CNOT2: variants seen among roughly 807,000 people sequenced by gnomAD.
The protein encoded by CNOT2 is CC chemokine receptor 4-negative regulator of transcription 2.
CNOT2 carries 7 observed loss-of-function variants against 72.1 expected under a neutral mutation model. That is an observed-to-expected ratio of 0.10 (90% CI 0.06 to 0.18). CNOT2 has a LOEUF of 0.18. CNOT2 is among the 10% of genes least tolerant of loss of function. CNOT2 has a pLI of 1.00. For missense variants in CNOT2, 345 were observed against 660.3 expected (o/e 0.52, Z 5.23); for synonymous variants, 196 against 225.6 (o/e 0.87, Z 1.17).
intron 1 of CNOT2, among the ~76,000 whole-genome samples, chr12:70,246,911 G>T (rs1290141104): frequency 6.6e-6 from 1 of 152,080 alleles, no homozygotes; most frequent in African/African-American, 2.4e-5. Flanking sequence ...GTATCTGTTG[G>T]TATATCCCTT....
intron 7 of CNOT2, among the ~76,000 whole-genome samples, chr12:70,333,275 C>G (rs187933412): frequency 3.3e-5 from 5 of 151,928 alleles, no homozygotes; most frequent in African/African-American, 9.6e-5. Context: ...GGAACACTTA[C>G]GTTTTTTCTT....
At position 70,289,691 on chromosome 12, in the gene CNOT2, A is replaced by G. The variant is rs568371550; in HGVS notation, c.48+11417A>G. Among the ~76,000 whole-genome samples, 6 of 151,846 alleles carry G rather than the reference A, an allele frequency of 4.0e-5. No homozygotes were observed. In the South Asian group the frequency reaches 1.0e-3, roughly 26 times the overall value. ...TTATTACTGTTTTTTTAAGTTTGCT[A>G]ATCTTTTCTTCAGCATGCCAATTAT... On this transcript the variant is annotated intron_variant, in intron 2 of 15. Coordinates refer to ENST00000229195, the MANE Select transcript of CNOT2 (RefSeq NM_014515.7).
At chr12:70,248,406 A>G (rs1957987700) in intron 1 of CNOT2, among the ~76,000 whole-genome samples, 2 of 152,284 alleles carry the variant, frequency 1.3e-5, no homozygotes, top group South Asian at 2.1e-4. Context: ...GAAAATATCA[A>G]CTGGAATTAT....
chr12:70,265,308 CTCTTCTCTTCTCTTCTCTTT>C (rs1255820779), intron 1 of CNOT2, among the ~76,000 whole-genome samples: 6 of 146,218 alleles, frequency 4.1e-5, no homozygotes, highest in African/African-American at 1.5e-4. Flanking sequence ...CTCTTCTCTT[CTCTTCTCTTCTCTTCTCTTT>C]CTTTCTTTTT....
chr12:70,287,005 T>A lies in CNOT2; in HGVS notation c.48+8731T>A, dbSNP rs371080903. Among the ~76,000 whole-genome samples the A allele has an allele frequency of 2.0e-4, 30 of 152,186 alleles. 1 individual carries two copies. The East Asian group carries it at 4.4e-3, about 23-fold the overall frequency. On this transcript the variant is annotated intron_variant, in intron 2 of 15. Coordinates refer to ENST00000229195, the MANE Select transcript of CNOT2 (RefSeq NM_014515.7). ...TTGACTTTTAAAATTGATTTTTGTA[T>A]CTCAATGTTGCTAAACTTTTTAATT...
intron 2 of CNOT2, among the ~76,000 whole-genome samples, chr12:70,308,579 C>T (rs1387097201): frequency 6.8e-6 from 1 of 146,006 alleles, no homozygotes; most frequent in Non-Finnish European, 1.5e-5. Context: ...CTCTCTCTCT[C>T]TCTCTCACAC....
At chr12:70,329,291 C>T (rs1163206389) in intron 4 of CNOT2, 132 bp from the exon 5 acceptor site, 3 of 547,936 alleles carry the variant, frequency 5.5e-6, no homozygotes, top group African/African-American at 1.9e-5. Flanking sequence ...TGGAGTGAAT[C>T]GAATATATCC....
chr12:70,325,118 T>G (rs1304587082), intron 4 of CNOT2, among the ~76,000 whole-genome samples: 1 of 151,834 alleles, frequency 6.6e-6, no homozygotes, highest in East Asian at 1.9e-4. Flanking sequence ...GAAGGGAAAG[T>G]ATTCTTGCTG....
chr12:70,282,431 A>G (rs1036194601), intron 2 of CNOT2, among the ~76,000 whole-genome samples: 4 of 152,208 alleles, frequency 2.6e-5, no homozygotes, highest in South Asian at 2.1e-4. Flanking sequence ...TTCTTCCCCA[A>G]CATTAAATAT....
At chr12:70,294,180 T>G (rs1306946138) in intron 2 of CNOT2, 1 of 1,289,402 alleles carries the variant, frequency 7.8e-7, no homozygotes, top group South Asian at 1.2e-5. Context: ...TCAGGGGAGC[T>G]CCTAGGGTGG....
In CNOT2 at chr12:70,354,165, T is replaced by A; in HGVS notation, c.*250T>A. 1 of 595,372 alleles carries A rather than the reference T, an allele frequency of 1.7e-6. No homozygotes were observed. Among genetic ancestry groups the A allele is most frequent in the Non-Finnish European group, 2.5e-6 (1 of 401,612 alleles). The allele number at this position is 595,372 out of a possible 1,614,324, so 36.9% of individuals were successfully genotyped here. ...CAGGGTCTGAATTTTTTCATTTATTTCCTTTTTTGCCAGCAGACAGACTTG... is the reference window on the plus strand; with the variant it reads ...CAGGGTCTGAATTTTTTCATTTATTACCTTTTTTGCCAGCAGACAGACTTG... On this transcript the variant is annotated 3_prime_UTR_variant, in exon 16 of 16. Coordinates refer to ENST00000229195, the MANE Select transcript of CNOT2 (RefSeq NM_014515.7).
intron 4 of CNOT2, among the ~76,000 whole-genome samples, chr12:70,320,151 A>C (rs1878048172): frequency 6.6e-6 from 1 of 151,710 alleles, no homozygotes; most frequent in East Asian, 1.9e-4. Context: ...CTGTTAATAG[A>C]AGAAGGGAAT....
At chr12:70,345,197 A>G (rs1044101848) in intron 14 of CNOT2, 2 of 152,216 alleles carry the variant, frequency 1.3e-5, no homozygotes, top group African/African-American at 4.8e-5. Context: ...TATGATTGGG[A>G]GACCTTTTCA....
At position 70,252,417 on chromosome 12, in the gene CNOT2, G is replaced by T. The variant is rs113087940; in HGVS notation, c.-96+8937G>T. 4.5e-3 allele frequency among the ~76,000 whole-genome samples: 679 copies of T among 152,132 alleles called. 6 individuals carry two copies. The highest frequency in any genetic ancestry group is 0.015 in the African/African-American group (608 of 41,500). On this transcript the variant is annotated intron_variant, in intron 1 of 15. Transcript: ENST00000229195. ...GCCCAGGGTGGTCTTGAACTCCTGC[G>T]CTCAAGCCATCTGCCTGCCTCATCT...
rs181099845 is a variant in CNOT2 at position 70,338,886 on chromosome 12, T to C, written c.1178+64T>C. 59 of 1,360,840 alleles carry C rather than the reference T, an allele frequency of 4.3e-5. 1 individual carries two copies. The African/African-American group carries it at 5.4e-4, about 12-fold the overall frequency. The allele number at this position is 1,360,840 out of a possible 1,614,324, so 84.3% of individuals were successfully genotyped here. Reference sequence around the variant, plus strand: ...CTCTTCAGACTTCCAGTTTTTAATATCATGTCATCAAATTATCTCACCTAC... The same window carrying C: ...CTCTTCAGACTTCCAGTTTTTAATACCATGTCATCAAATTATCTCACCTAC... On this transcript the variant is annotated intron_variant, in intron 11 of 15. Coordinates refer to ENST00000229195, the MANE Select transcript of CNOT2 (RefSeq NM_014515.7).
chr12:70,342,265 T>C lies in CNOT2; in HGVS notation c.1248T>C (p.His416=). The C allele has an allele frequency of 1.2e-6, 2 of 1,613,864 alleles. No homozygotes were observed. Among genetic ancestry groups the C allele is most frequent in the Non-Finnish European group, 1.7e-6 (2 of 1,179,848 alleles). ...TTTCATTTTATTATCCAGACTTCCA[T>C]GTTCCATCTGAGTACTTAACGAACA... ...SPCRPQDIDF[H]VPSEYLTNIH... The change falls in exon 13 of 16, where the codon CAT becomes CAC. Residue 416 remains histidine (H), a synonymous_variant. Transcript: ENST00000229195.
At chr12:70,270,432 A>G (rs1440990591) in intron 1 of CNOT2, among the ~76,000 whole-genome samples, 5 of 152,126 alleles carry the variant, frequency 3.3e-5, no homozygotes, top group Non-Finnish European at 5.9e-5. Flanking sequence ...AGTTCTTTAC[A>G]TTAATAGTAT....
chr12:70,329,585 AC>A lies in CNOT2; in HGVS notation c.386+17del. On this transcript the variant is annotated intron_variant, in intron 5 of 15. Transcript: ENST00000229195. ...TCTCCAAGCAGGTATTTATTGATGGACCAGAATATTTTTCAAAATGTATCTT... is the reference window on the plus strand; with the variant it reads ...TCTCCAAGCAGGTATTTATTGATGGACAGAATATTTTTCAAAATGTATCTT... 6.3e-7 allele frequency: 1 copy of A among 1,583,542 alleles called. No individual in the cohort carries two copies.
At chr12:70,350,110 A>G (rs1239807530) in intron 15 of CNOT2, among the ~76,000 whole-genome samples, 1 of 151,982 alleles carries the variant, frequency 6.6e-6, no homozygotes, top group Non-Finnish European at 1.5e-5. Flanking sequence ...GGAATTACTC[A>G]TATTTTACTA....
Sources: allele counts gnomAD v4.1 joint callset (sites outside exome capture counted in the v4.1 genomes callset), GRCh38; gene constraint gnomAD v4.1.1; transcripts MANE v1.5; gene names NCBI Gene and HGNC (gene_info 2026-07-23, HGNC 2026-07-21).